Variants in TRIM44 observed in about 807,000 individuals in gnomAD.
TRIM44 encodes the protein tripartite motif-containing protein 44.
TRIM44 carries 13 observed loss-of-function variants against 37.4 expected under a neutral mutation model. The observed-to-expected ratio is 0.35, with a 90% CI of 0.23 to 0.55. The LOEUF (loss-of-function observed/expected upper bound fraction) is 0.55, where lower values mean the gene tolerates loss of function less well. Ranked by LOEUF, TRIM44 falls within the 20% of genes least tolerant of loss-of-function variation. TRIM44 has a pLI of 0.89. For synonymous variants in TRIM44, 175 were observed against 157.2 expected, an observed-to-expected ratio of 1.11 and a Z score of -0.85; for missense variants, 426 against 437.2, an observed-to-expected ratio of 0.97 and a Z score of 0.23.
intron 4 of TRIM44, among the ~76,000 whole-genome samples, chr11:35,767,072 G>T (rs1396299591): frequency 2.6e-5 from 4 of 152,176 alleles, no homozygotes; most frequent in African/African-American, 9.7e-5. Flanking sequence ...CTGGCTCTCA[G>T]ACTGTCATCA....
chr11:35,677,575 T>C (rs985015570), intron 1 of TRIM44, among the ~76,000 whole-genome samples: 4 of 152,148 alleles, frequency 2.6e-5, no homozygotes, highest in African/African-American at 9.6e-5. Context: ...CTGCATATTC[T>C]TTCATTTAAT....
chr11:35,773,621 C>T (rs1003110461), intron 4 of TRIM44, among the ~76,000 whole-genome samples: 1 of 152,142 alleles, frequency 6.6e-6, no homozygotes, highest in African/African-American at 2.4e-5. Context: ...TCCCTCCCCT[C>T]TCCCCCTACC....
chr11:35,811,543 G>A lies in TRIM44; in HGVS notation c.*5158G>A, dbSNP rs1431690915. 1 of 152,136 alleles carries A rather than the reference G, an allele frequency of 6.6e-6. No individual in the cohort carries two copies. Among genetic ancestry groups the A allele is most frequent in the East Asian group, 1.9e-4 (1 of 5,198 alleles). The allele number at this position is 152,136 out of a possible 1,614,324, so 9.4% of individuals were successfully genotyped here. A position where few individuals can be genotyped will look rare whatever the true frequency, so the allele number is the denominator to read the frequency against. On this transcript the variant is annotated 3_prime_UTR_variant, in exon 5 of 5. Coordinates refer to ENST00000299413, the MANE Select transcript of TRIM44 (RefSeq NM_017583.6). ...TGTAATTGATGAAAACATAGAATGAGTTGTAAATGAAGCAATTCCAAGCTG... is the reference window on the plus strand; with the variant it reads ...TGTAATTGATGAAAACATAGAATGAATTGTAAATGAAGCAATTCCAAGCTG...
chr11:35,673,320 G>GT (rs1262657358), intron 1 of TRIM44, among the ~76,000 whole-genome samples: 5 of 152,112 alleles, frequency 3.3e-5, no homozygotes, highest in Admixed American at 3.3e-4. Flanking sequence ...TTCCTATTGT[G>GT]TTACCATTCG....
intron 4 of TRIM44, among the ~76,000 whole-genome samples, chr11:35,769,414 C>T (rs1852837802): frequency 6.6e-6 from 1 of 152,160 alleles, no homozygotes; most frequent in Non-Finnish European, 1.5e-5. Context: ...GCAGAGGAGT[C>T]TTATGGTGCT....
chr11:35,700,245 A>G (rs1231770097), intron 2 of TRIM44, among the ~76,000 whole-genome samples: 2 of 152,182 alleles, frequency 1.3e-5, no homozygotes, highest in Non-Finnish European at 2.9e-5. Flanking sequence ...TCTATGTTCA[A>G]TTTACTGATA....
At position 35,806,889 on chromosome 11, in the gene TRIM44, G is replaced by A. The variant is rs967566533; in HGVS notation, c.*504G>A. On this transcript the variant is annotated 3_prime_UTR_variant, in exon 5 of 5. Transcript: ENST00000299413. ...TCCCTAAAAGTCCAGTTCTACATTT[G>A]TGAAAATTGTGGTGCCATGAATTAA... The A allele has an allele frequency of 1.3e-5, 2 of 152,822 alleles. No individual in the cohort carries two copies. The highest frequency in any genetic ancestry group is 2.9e-5 in the Non-Finnish European group (2 of 68,456). The allele number at this position is 152,822 out of a possible 1,614,324, so 9.5% of individuals were successfully genotyped here.
chr11:35,774,120 C>G (rs927271945), intron 4 of TRIM44, among the ~76,000 whole-genome samples: 12 of 152,204 alleles, frequency 7.9e-5, no homozygotes, highest in Non-Finnish European at 1.6e-4. Context: ...TCTCCACATC[C>G]TCTCCAGCAC....
Position 35,812,566 on chromosome 11 carries a change from G to A in TRIM44, c.*6181G>A, listed in dbSNP as rs1269769257. ...TCAAATTTAGAGAATTAAGTACTGT[G>A]ACCACGGTTACACCCTAATAAGCGG... is the stretch of plus-strand genomic sequence containing the variant. On this transcript the variant is annotated 3_prime_UTR_variant, in exon 5 of 5. Transcript: ENST00000299413. 6.6e-6 allele frequency: 1 copy of A among 152,158 alleles called. No homozygotes were observed. Among genetic ancestry groups the A allele is most frequent in the Admixed American group, 6.5e-5 (1 of 15,270 alleles). 9.4% of individuals were successfully genotyped at this position (152,158 alleles called of 1,614,324 possible). A position where few individuals can be genotyped will look rare whatever the true frequency, so the allele number is the denominator to read the frequency against.
intron 1 of TRIM44, among the ~76,000 whole-genome samples, chr11:35,672,860 G>A (rs1214988394): frequency 6.6e-6 from 1 of 152,138 alleles, no homozygotes; most frequent in Admixed American, 6.5e-5. Context: ...AGAGTTTGTA[G>A]CACTGGCATA....
intron 2 of TRIM44, among the ~76,000 whole-genome samples, chr11:35,688,775 T>C (rs1457436666): frequency 6.6e-6 from 1 of 152,230 alleles, no homozygotes; most frequent in Non-Finnish European, 1.5e-5. Context: ...CCAGAGTTTT[T>C]TATTCAATTG....
At chr11:35,787,683 A>G (rs1405594690) in intron 4 of TRIM44, among the ~76,000 whole-genome samples, 1 of 152,212 alleles carries the variant, frequency 6.6e-6, no homozygotes, top group African/African-American at 2.4e-5. Context: ...TTCCCTGTCT[A>G]GAGGAGGAAA....
Position 35,692,676 on chromosome 11 carries a change from A to G in TRIM44, c.747+7340A>G, listed in dbSNP as rs188146702. 4.3e-4 allele frequency among the ~76,000 whole-genome samples: 65 copies of G among 152,202 alleles called. 2 individuals carry two copies. The East Asian group carries it at 0.012, about 28-fold the overall frequency. ...GCGGTGGCTCACGCCTGTAATCCCA[A>G]CACTTTGGGAGGCCAAGGCAGGCGG... On this transcript the variant is annotated intron_variant, in intron 2 of 4. Transcript: ENST00000299413.
At chr11:35,710,302 A>AT (rs1564968998) in intron 2 of TRIM44, among the ~76,000 whole-genome samples, 1 of 152,228 alleles carries the variant, frequency 6.6e-6, no homozygotes, top group Non-Finnish European at 1.5e-5. Context: ...TATCTCTTAT[A>AT]AATGGATACA....
At chr11:35,694,468 G>A (rs781744873) in intron 2 of TRIM44, among the ~76,000 whole-genome samples, 1 of 152,034 alleles carries the variant, frequency 6.6e-6, no homozygotes, top group South Asian at 2.1e-4. Context: ...TAAAGTATAA[G>A]GTTATCCATG....
intron 4 of TRIM44, among the ~76,000 whole-genome samples, chr11:35,747,349 T>G (rs1356208637): frequency 1.3e-5 from 2 of 152,190 alleles, no homozygotes; most frequent in Non-Finnish European, 2.9e-5. Flanking sequence ...CATTTTTGTT[T>G]GTGTATATGA....
chr11:35,736,011 A>G (rs1852323008), intron 4 of TRIM44, among the ~76,000 whole-genome samples: 2 of 152,306 alleles, frequency 1.3e-5, no homozygotes, highest in African/African-American at 4.8e-5. Context: ...TGAGCCTTGC[A>G]GTGAACCTGG....
At chr11:35,742,566 A>T (rs1024464127) in intron 4 of TRIM44, among the ~76,000 whole-genome samples, 1 of 132,572 alleles carries the variant, frequency 7.5e-6, no homozygotes, top group Non-Finnish European at 1.5e-5. Context: ...TGTATTATAT[A>T]TAATTATATT....
chr11:35,677,030 G>A (rs576858531), intron 1 of TRIM44, among the ~76,000 whole-genome samples: 1 of 152,222 alleles, frequency 6.6e-6, no homozygotes, highest in African/African-American at 2.4e-5. Context: ...AGTGGTTTGT[G>A]GCCAGGTCCT....
Sources: allele counts gnomAD v4.1 joint callset (sites outside exome capture counted in the v4.1 genomes callset), GRCh38; gene constraint gnomAD v4.1.1; transcripts MANE v1.5; gene names NCBI Gene and HGNC (gene_info 2026-07-23, HGNC 2026-07-21).